TTLL10: variants seen among roughly 807,000 people sequenced by gnomAD.
TTLL10 encodes the protein inactive polyglycylase TTLL10.
TTLL10 carries 61 observed loss-of-function variants against 69.0 expected under a neutral mutation model. The ratio of observed to expected loss-of-function variants is 0.88; its 90% CI spans 0.72 to 1.09. The LOEUF is 1.09. Among genes scored for constraint, TTLL10 ranks in the 50% least tolerant of loss-of-function variants. The probability of loss-of-function intolerance (pLI) is 0.00; values close to 1 mark genes in which losing one functional copy is unlikely to be tolerated. For synonymous variants in TTLL10, 408 were observed against 393.3 expected (o/e 1.04, Z -0.44); for missense variants, 962 against 945.9 (o/e 1.02, Z -0.22).
At chr1:1,196,778 C>T (rs934578587) in intron 14 of TTLL10, 62 bp downstream of exon 14, 19 of 1,171,840 alleles carry the variant, frequency 1.6e-5, no homozygotes, top group Non-Finnish European at 2.2e-5. Flanking sequence ...GCCATCTGTA[C>T]ACCCTGACCA....
At chr1:1,192,020 G>A (rs1175027955) in intron 13 of TTLL10, among the ~76,000 whole-genome samples, 1 of 152,272 alleles carries the variant, frequency 6.6e-6, no homozygotes, top group Non-Finnish European at 1.5e-5. Context: ...GGGCCATTGT[G>A]AACATGTCAC....
chr1:1,176,083 G>T (rs1267266195), intron 3 of TTLL10: 1 of 442,732 alleles, frequency 2.3e-6, no homozygotes, highest in African/African-American at 2.2e-5. Flanking sequence ...GGCTGCCGCT[G>T]TGCAGGTGGA....
At position 1,180,540 on chromosome 1, in the gene TTLL10, C is replaced by T. The variant is rs757070080; in HGVS notation, c.564C>T (p.Asp188=). ...GWQRIHDSRR[D]DYTLKWCEVK... ...AGCGCATCCATGACAGCCGCCGGGA[C>T]GACTACACGCTGAAGTGGTGTGAGG... The change falls in exon 7 of 16, where the codon GAC becomes GAT. Residue 188 remains aspartate (D), a synonymous_variant. Coordinates refer to ENST00000379289, the MANE Select transcript of TTLL10 (RefSeq NM_001130045.2). 2.1e-5 allele frequency: 33 copies of T among 1,552,930 alleles called. No homozygotes were observed. The highest frequency in any genetic ancestry group is 1.7e-4 in the Middle Eastern group (1 of 5,986).
rs374121486 is a variant in TTLL10, at chr1:1,180,652, C to A, written c.625+51C>A. Reference sequence around the variant, plus strand: ...GGCAGCCTGCAGGGGCCTCCTGGGCCGGAGCACAGGGCAGGTTGGAGGGGT... The same window carrying A: ...GGCAGCCTGCAGGGGCCTCCTGGGCAGGAGCACAGGGCAGGTTGGAGGGGT... On this transcript the variant is annotated intron_variant, in intron 7 of 15. Coordinates refer to ENST00000379289, the MANE Select transcript of TTLL10 (RefSeq NM_001130045.2). The A allele has an allele frequency of 1.5e-3, 2,267 of 1,555,120 alleles. 1 individual carries two copies. The highest frequency in any genetic ancestry group is 1.8e-3 in the Non-Finnish European group (2,065 of 1,149,100).
At chr1:1,186,078 T>C (rs1473338588) in intron 13 of TTLL10, among the ~76,000 whole-genome samples, 2 of 150,542 alleles carry the variant, frequency 1.3e-5, no homozygotes, top group Non-Finnish European at 2.9e-5. Flanking sequence ...GTAGTTCACG[T>C]ATCCTTTTCT....
At chr1:1,197,290 C>A in intron 15 of TTLL10, 104 bp downstream of exon 15, 2 of 1,335,704 alleles carry the variant, frequency 1.5e-6, no homozygotes, top group Non-Finnish European at 2.1e-6. Context: ...GGCTCTTCCA[C>A]CTCCCGAGGG....
chr1:1,189,805 T>C (rs181999467), intron 13 of TTLL10, among the ~76,000 whole-genome samples: 1 of 152,272 alleles, frequency 6.6e-6, no homozygotes, highest in Non-Finnish European at 1.5e-5. Flanking sequence ...TTAGTCTGCT[T>C]TATTTTGCTA....
At chr1:1,190,390 C>T (rs1351256402) in intron 13 of TTLL10, among the ~76,000 whole-genome samples, 1 of 151,114 alleles carries the variant, frequency 6.6e-6, no homozygotes, top group Non-Finnish European at 1.5e-5. Flanking sequence ...TTATTTCCTT[C>T]TTACTACTTG....
In TTLL10 at chr1:1,192,958, G is replaced by T. The variant is rs146514645; in HGVS notation, c.1402-3642G>T. Among the ~76,000 whole-genome samples the T allele has an allele frequency of 1.5e-3, 229 of 152,348 alleles. 3 individuals are homozygous for T. In the East Asian group the frequency reaches 0.043, roughly 28 times the overall value. On this transcript the variant is annotated intron_variant, in intron 13 of 15. Transcript: ENST00000379289. ...GAAACTAAAGTATCTTTTGTAGATG[G>T]TATATCATGTTTTTTTAAGAAACTC...
At chr1:1,179,115 G>C in intron 3 of TTLL10, 74 bp from the exon 4 acceptor site, 1 of 1,045,124 alleles carries the variant, frequency 9.6e-7, no homozygotes. Context: ...CTGACTGCCT[G>C]CTCCATCCAA....
intron 13 of TTLL10, chr1:1,196,370 ACT>A (rs1167919219): frequency 3.8e-6 from 2 of 525,750 alleles, no homozygotes; most frequent in Non-Finnish European, 6.9e-6. Flanking sequence ...AGTTTTCCTC[ACT>A]CTCGTATCTC....
intron 13 of TTLL10, among the ~76,000 whole-genome samples, chr1:1,188,000 G>A (rs887625073): frequency 6.6e-6 from 1 of 152,118 alleles, no homozygotes; most frequent in Non-Finnish European, 1.5e-5. Context: ...TTTAGGTCTT[G>A]GATCCATTTT....
intron 13 of TTLL10, among the ~76,000 whole-genome samples, chr1:1,195,498 T>C (rs1011938097): frequency 6.9e-6 from 1 of 145,022 alleles, no homozygotes; most frequent in African/African-American, 2.6e-5. Flanking sequence ...ATCATCGTCA[T>C]ACTTTTTTTT....
intron 13 of TTLL10, among the ~76,000 whole-genome samples, chr1:1,188,390 A>G (rs1278483993): frequency 1.3e-5 from 2 of 151,730 alleles, no homozygotes; most frequent in Admixed American, 6.6e-5. Context: ...ATTTCTGGGG[A>G]AAAAGTCCAA....
In TTLL10 at chr1:1,193,850, T is replaced by A. The variant is rs138058598; in HGVS notation, c.1402-2750T>A. ...TGGTTGTCCTGAGGATTACCATTAATATTGTATCTTAATTTACTACAATTA... is the reference window on the plus strand; with the variant it reads ...TGGTTGTCCTGAGGATTACCATTAAAATTGTATCTTAATTTACTACAATTA... On this transcript the variant is annotated intron_variant, in intron 13 of 15. Coordinates refer to ENST00000379289, the MANE Select transcript of TTLL10 (RefSeq NM_001130045.2). Among the ~76,000 whole-genome samples, 3 of 152,316 alleles carry A rather than the reference T, an allele frequency of 2.0e-5. No individual in the cohort carries two copies. The South Asian group carries it at 6.2e-4, about 32-fold the overall frequency.
At chr1:1,193,654 G>A (rs535660646) in intron 13 of TTLL10, among the ~76,000 whole-genome samples, 10 of 151,928 alleles carry the variant, frequency 6.6e-5, no homozygotes, top group East Asian at 3.9e-4. Context: ...TAGTAGAGAC[G>A]GGGTTTCACT....
chr1:1,179,460 C>G, intron 4 of TTLL10, 127 bp downstream of exon 4: 1 of 1,229,800 alleles, frequency 8.1e-7, no homozygotes. Context: ...CATGGCCATG[C>G]CCCGCTGCTC....
At chr1:1,196,799 C>T in intron 14 of TTLL10, 83 bp downstream of exon 14, 1 of 1,046,496 alleles carries the variant, frequency 9.6e-7, no homozygotes, top group Non-Finnish European at 1.5e-6. Context: ...CACTGGCAGG[C>T]CCCAGGCAGA....
At chr1:1,188,991 G>A (rs1166164698) in intron 13 of TTLL10, among the ~76,000 whole-genome samples, 1 of 152,046 alleles carries the variant, frequency 6.6e-6, no homozygotes, top group East Asian at 1.9e-4. Flanking sequence ...ACTGATTTTT[G>A]TGTGTTGATC....
Sources: gnomAD v4.1 joint callset for allele counts (sites outside exome capture counted in the v4.1 genomes callset) on GRCh38, gnomAD v4.1.1 for gene constraint, MANE v1.5 for transcripts, NCBI Gene and HGNC (gene_info 2026-07-23, HGNC 2026-07-21) for gene names.